TRPC4: variants seen among roughly 807,000 people sequenced by gnomAD.
The protein encoded by TRPC4 is short transient receptor potential channel 4.
In TRPC4, 49 loss-of-function variants were observed where a neutral mutation model predicts 99.4. The observed-to-expected ratio is 0.49, with a 90% CI of 0.39 to 0.63. The LOEUF (loss-of-function observed/expected upper bound fraction) is 0.63, where lower values mean the gene tolerates loss of function less well. Among genes scored for constraint, TRPC4 ranks in the 20% least tolerant of loss-of-function variants. TRPC4 has a pLI of 0.00. For synonymous variants in TRPC4, 454 were observed against 425.9 expected (o/e 1.07, Z -0.81); for missense variants, 898 against 1,152.9 (o/e 0.78, Z 3.20).
At chr13:37,768,756 C>G (rs1392430006) in intron 2 of TRPC4, among the ~76,000 whole-genome samples, 1 of 151,022 alleles carries the variant, frequency 6.6e-6, no homozygotes, top group Non-Finnish European at 1.5e-5. Flanking sequence ...GGACTGATTT[C>G]TCACCTCTCA....
chr13:37,805,358 G>A (rs2139447761), intron 1 of TRPC4, among the ~76,000 whole-genome samples: 1 of 152,014 alleles, frequency 6.6e-6, no homozygotes, highest in East Asian at 1.9e-4. Flanking sequence ...TGTCTTTACT[G>A]CTGTTTCCAC....
intron 1 of TRPC4, among the ~76,000 whole-genome samples, chr13:37,853,694 T>C (rs1389137558): frequency 6.6e-6 from 1 of 151,230 alleles, no homozygotes; most frequent in East Asian, 1.9e-4. Context: ...AGGGAAGGAG[T>C]TCAGAATCCA....
chr13:37,779,421 T>C (rs1185553543), intron 2 of TRPC4, among the ~76,000 whole-genome samples: 1 of 149,392 alleles, frequency 6.7e-6, no homozygotes, highest in Non-Finnish European at 1.5e-5. Flanking sequence ...ACTCTTCTCA[T>C]TAAAAAAAAA....
At chr13:37,758,451 C>A (rs1956147222) in intron 2 of TRPC4, among the ~76,000 whole-genome samples, 1 of 151,542 alleles carries the variant, frequency 6.6e-6, no homozygotes, top group Admixed American at 6.6e-5. Flanking sequence ...GCAAAACTCA[C>A]AATAAAGAGT....
chr13:37,798,767 T>C (rs1354104232), intron 1 of TRPC4, among the ~76,000 whole-genome samples: 1 of 152,124 alleles, frequency 6.6e-6, no homozygotes, highest in African/African-American at 2.4e-5. Flanking sequence ...AAATCATGAT[T>C]GTTATGCAAA....
intron 4 of TRPC4, among the ~76,000 whole-genome samples, chr13:37,686,181 G>A (rs754150165): frequency 7.9e-5 from 12 of 152,042 alleles, no homozygotes; most frequent in Non-Finnish European, 1.6e-4. Context: ...AAATTCAGCG[G>A]TGAGGCTGAA....
chr13:37,792,771 G>A (rs1478299217), intron 1 of TRPC4, among the ~76,000 whole-genome samples: 3 of 129,812 alleles, frequency 2.3e-5, no homozygotes, highest in African/African-American at 5.1e-5. Context: ...ACGTGGATGT[G>A]CAAACAAAAA....
chr13:37,825,213 C>A (rs1444593696), intron 1 of TRPC4, among the ~76,000 whole-genome samples: 1 of 151,846 alleles, frequency 6.6e-6, no homozygotes, highest in African/African-American at 2.4e-5. Context: ...TTGATCCTTT[C>A]AAAAAACCAG....
At chr13:37,688,205 T>C (rs1207298876) in intron 4 of TRPC4, among the ~76,000 whole-genome samples, 3 of 152,080 alleles carry the variant, frequency 2.0e-5, no homozygotes, top group Non-Finnish European at 4.4e-5. Flanking sequence ...GGGCGGTGAG[T>C]TCCAACTTAT....
chr13:37,765,644 T>C (rs993092524), intron 2 of TRPC4, among the ~76,000 whole-genome samples: 1 of 151,390 alleles, frequency 6.6e-6, no homozygotes, highest in Non-Finnish European at 1.5e-5. Context: ...TGTATGAATA[T>C]GAATAAATTT....
At chr13:37,831,478 G>T (rs994932762) in intron 1 of TRPC4, among the ~76,000 whole-genome samples, 7 of 152,090 alleles carry the variant, frequency 4.6e-5, no homozygotes, top group Admixed American at 1.3e-4. Context: ...TAGTATGGAG[G>T]TTCGAAAAAA....
intron 1 of TRPC4, among the ~76,000 whole-genome samples, chr13:37,863,185 A>T (rs776726570): frequency 6.6e-6 from 1 of 151,510 alleles, no homozygotes; most frequent in Non-Finnish European, 1.5e-5. Flanking sequence ...GACGTATTTG[A>T]TGTATGACTG....
In TRPC4 at chr13:37,869,137, T is replaced by C. The variant is rs1168301414; in HGVS notation, c.-28+458A>G. ...ACATTGATCACTCTCCTTCCTTCGT[T>C]ACCCTACTTTAAGTGCCGGAGAGCT... On this transcript the variant is annotated intron_variant, in intron 1 of 10. Coordinates refer to ENST00000379705, the MANE Select transcript of TRPC4 (RefSeq NM_016179.4). 2.0e-5 allele frequency among the ~76,000 whole-genome samples: 3 copies of C among 152,224 alleles called. No homozygotes were observed. In the East Asian group the frequency reaches 5.8e-4, roughly 29 times the overall value.
intron 3 of TRPC4, among the ~76,000 whole-genome samples, chr13:37,731,824 T>C (rs546349654): frequency 6.6e-6 from 1 of 151,498 alleles, no homozygotes; most frequent in African/African-American, 2.4e-5. Context: ...GTACGTCCCT[T>C]TCCCCACCTC....
intron 2 of TRPC4, among the ~76,000 whole-genome samples, chr13:37,748,672 A>G (rs1485130683): frequency 1.3e-5 from 2 of 151,838 alleles, no homozygotes; most frequent in Non-Finnish European, 2.9e-5. Context: ...CCCAAATCTC[A>G]TTAAGAATTT....
chr13:37,813,600 G>C (rs1029537851), intron 1 of TRPC4, among the ~76,000 whole-genome samples: 3 of 151,850 alleles, frequency 2.0e-5, no homozygotes, highest in Non-Finnish European at 4.4e-5. Flanking sequence ...GTGTACAACT[G>C]TATGCCAACA....
intron 1 of TRPC4, among the ~76,000 whole-genome samples, chr13:37,796,123 T>C (rs75820252): frequency 0.026 from 3,915 of 152,232 alleles, 59 homozygotes; most frequent in Middle Eastern, 0.075. Flanking sequence ...GTGAGGCTGG[T>C]CTCAGAATTT....
At chr13:37,779,380 G>C (rs1374484199) in intron 2 of TRPC4, among the ~76,000 whole-genome samples, 1 of 151,432 alleles carries the variant, frequency 6.6e-6, no homozygotes, top group African/African-American at 2.4e-5. Context: ...GGCTCTCTGT[G>C]CTGTCTCCTA....
chr13:37,806,424 G>C (rs1158123538), intron 1 of TRPC4, among the ~76,000 whole-genome samples: 1 of 151,916 alleles, frequency 6.6e-6, no homozygotes, highest in Non-Finnish European at 1.5e-5. Flanking sequence ...ACTGAGTCTA[G>C]GTAAAGACAA....
Sources: allele counts gnomAD v4.1 joint callset (sites outside exome capture counted in the v4.1 genomes callset), GRCh38; gene constraint gnomAD v4.1.1; transcripts MANE v1.5; gene names NCBI Gene and HGNC (gene_info 2026-07-23, HGNC 2026-07-21).